AGBL4: variants seen among roughly 807,000 people sequenced by gnomAD.
AGBL4 encodes the protein cytosolic carboxypeptidase 6.
A neutral mutation model predicts 66.4 loss-of-function variants in AGBL4; 58 were observed. The ratio of observed to expected loss-of-function variants is 0.87; its 90% CI spans 0.71 to 1.09. The LOEUF (loss-of-function observed/expected upper bound fraction) is 1.09. Ranked by LOEUF, AGBL4 falls within the 50% of genes least tolerant of loss-of-function variation. The pLI is 0.00. For missense variants in AGBL4, 579 were observed against 631.0 expected, an observed-to-expected ratio of 0.92 and a Z score of 0.88; for synonymous variants, 234 against 222.9, an observed-to-expected ratio of 1.05 and a Z score of -0.44.
chr1:49,649,199 T>C (rs1182602821), intron 3 of AGBL4, among the ~76,000 whole-genome samples: 1 of 151,922 alleles, frequency 6.6e-6, no homozygotes, highest in Non-Finnish European at 1.5e-5. Context: ...TAAAACAAGA[T>C]CCAACTATAT....
At chr1:48,628,972 G>A (rs567743944) in intron 9 of AGBL4, among the ~76,000 whole-genome samples, 14 of 148,836 alleles carry the variant, frequency 9.4e-5, no homozygotes, top group African/African-American at 3.2e-4. Flanking sequence ...TCTCCCGACT[G>A]GGACTCTGCC....
At chr1:49,712,212 A>G (rs1647725440) in intron 2 of AGBL4, among the ~76,000 whole-genome samples, 1 of 151,948 alleles carries the variant, frequency 6.6e-6, no homozygotes, top group South Asian at 2.1e-4. Context: ...GCTCTGGTTC[A>G]TCCATGTTGT....
chr1:49,520,616 A>C (rs1345734466), intron 3 of AGBL4, among the ~76,000 whole-genome samples: 2 of 151,904 alleles, frequency 1.3e-5, no homozygotes, highest in African/African-American at 4.8e-5. Context: ...ACTCAGCTAT[A>C]ATTTAGACTT....
intron 3 of AGBL4, among the ~76,000 whole-genome samples, chr1:49,270,830 T>A (rs1644042097): frequency 6.6e-6 from 1 of 152,110 alleles, no homozygotes; most frequent in Non-Finnish European, 1.5e-5. Flanking sequence ...TCCTGAATTT[T>A]AAAAAAGGAG....
intron 6 of AGBL4, among the ~76,000 whole-genome samples, chr1:48,855,491 TG>T (rs1435603891): frequency 6.6e-6 from 1 of 152,228 alleles, no homozygotes; most frequent in Non-Finnish European, 1.5e-5. Context: ...TGTTTTTTGT[TG>T]TTGACCTGAG....
intron 3 of AGBL4, among the ~76,000 whole-genome samples, chr1:49,421,306 C>T (rs1306193426): frequency 6.6e-6 from 1 of 151,310 alleles, no homozygotes; most frequent in Non-Finnish European, 1.5e-5. Context: ...CCTGAGGATA[C>T]AGGAATGAAA....
chr1:49,568,815 C>A (rs1644268549), intron 3 of AGBL4, among the ~76,000 whole-genome samples: 1 of 152,018 alleles, frequency 6.6e-6, no homozygotes, highest in South Asian at 2.1e-4. Context: ...ACACAGAGAC[C>A]AATGGAACAG....
At chr1:49,644,550 A>G (rs1365550544) in intron 3 of AGBL4, among the ~76,000 whole-genome samples, 2 of 151,632 alleles carry the variant, frequency 1.3e-5, no homozygotes, top group East Asian at 3.8e-4. Flanking sequence ...ATCACAAGGT[A>G]TAAAGATAAT....
At chr1:49,823,596 A>C (rs1422669336) in intron 2 of AGBL4, among the ~76,000 whole-genome samples, 1 of 152,204 alleles carries the variant, frequency 6.6e-6, no homozygotes, top group Non-Finnish European at 1.5e-5. Flanking sequence ...GAATGTCCCA[A>C]GCTGCTGAAG....
In AGBL4 at chr1:49,126,751, T is replaced by C. The variant is rs555048030; in HGVS notation, c.378-80951A>G. ...ATAACATGGTGCCTCTTTTGATAGA[T>C]TGTAAATGATTTTCCTAAGATCATT... On this transcript the variant is annotated intron_variant, in intron 4 of 13. Transcript: ENST00000371839. Among the ~76,000 whole-genome samples the C allele has an allele frequency of 1.6e-4, 24 of 152,274 alleles. No individual in the cohort carries two copies. The East Asian group carries it at 3.1e-3, about 20-fold the overall frequency.
At chr1:49,046,243 T>C (rs1316441457) in intron 4 of AGBL4, among the ~76,000 whole-genome samples, 2 of 152,116 alleles carry the variant, frequency 1.3e-5, no homozygotes, top group African/African-American at 4.8e-5. Flanking sequence ...TGAAGGTAAA[T>C]AAAGACTGTG....
At chr1:49,462,527 A>C (rs1389821478) in intron 3 of AGBL4, among the ~76,000 whole-genome samples, 1 of 151,724 alleles carries the variant, frequency 6.6e-6, no homozygotes, top group Admixed American at 6.6e-5. Flanking sequence ...GCTATTTATT[A>C]GGGAGAAGAG....
At chr1:49,580,313 T>A (rs1240459127) in intron 3 of AGBL4, among the ~76,000 whole-genome samples, 1 of 152,214 alleles carries the variant, frequency 6.6e-6, no homozygotes, top group Non-Finnish European at 1.5e-5. Context: ...ATATTTATGT[T>A]CAAGGTTATT....
intron 2 of AGBL4, among the ~76,000 whole-genome samples, chr1:49,799,162 A>G (rs1179251586): frequency 6.6e-6 from 1 of 152,178 alleles, no homozygotes; most frequent in African/African-American, 2.4e-5. Flanking sequence ...TTTTCATTAA[A>G]AGCACCCTTT....
chr1:49,801,361 G>C (rs986740900), intron 2 of AGBL4, among the ~76,000 whole-genome samples: 1 of 152,160 alleles, frequency 6.6e-6, no homozygotes, highest in Non-Finnish European at 1.5e-5. Context: ...TACAGCCCTA[G>C]CCAACACCTC....
chr1:49,027,639 G>A (rs1403500481), intron 5 of AGBL4, among the ~76,000 whole-genome samples: 9 of 151,954 alleles, frequency 5.9e-5, no homozygotes, highest in Non-Finnish European at 1.0e-4. Context: ...ATTTCACCTT[G>A]GGAGGGGCAG....
chr1:48,815,538 C>T (rs535020632), intron 6 of AGBL4, among the ~76,000 whole-genome samples: 1 of 152,126 alleles, frequency 6.6e-6, no homozygotes, highest in South Asian at 2.1e-4. Flanking sequence ...ACTCAGTTTC[C>T]TTATCTAAAA....
intron 9 of AGBL4, among the ~76,000 whole-genome samples, chr1:48,620,058 A>G (rs1359425988): frequency 6.6e-6 from 1 of 152,198 alleles, no homozygotes; most frequent in Non-Finnish European, 1.5e-5. Context: ...TGCCCTCCGA[A>G]GGTTAAACCG....
chr1:49,998,457 A>G (rs972341793), intron 1 of AGBL4, among the ~76,000 whole-genome samples: 11 of 152,150 alleles, frequency 7.2e-5, no homozygotes, highest in African/African-American at 2.2e-4. Flanking sequence ...AATTGCCAAC[A>G]AAAATAAAGT....
Sources: allele counts gnomAD v4.1 joint callset (sites outside exome capture counted in the v4.1 genomes callset), GRCh38; gene constraint gnomAD v4.1.1; transcripts MANE v1.5; gene names NCBI Gene and HGNC (gene_info 2026-07-23, HGNC 2026-07-21).